The following SCN10A variants were observed in gnomAD, a reference collection of about 807,000 sequenced individuals.
SCN10A encodes the protein sodium channel protein type 10 subunit alpha.
A neutral mutation model predicts 170.7 loss-of-function variants in SCN10A; 162 were observed. The observed-to-expected ratio is 0.95, with a 90% CI of 0.84 to 1.08. The LOEUF (loss-of-function observed/expected upper bound fraction) is 1.08. Among genes scored for constraint, SCN10A ranks in the 50% least tolerant of loss-of-function variants. The probability of loss-of-function intolerance (pLI) is 0.00; values close to 1 mark genes in which losing one functional copy is unlikely to be tolerated. For missense variants in SCN10A, 2,527 were observed against 2,436.9 expected, an observed-to-expected ratio of 1.04 and a Z score of -0.78; for synonymous variants, 985 against 904.6, an observed-to-expected ratio of 1.09 and a Z score of -1.59.
At chr3:38,773,293 G>C (rs2064031584) in intron 4 of SCN10A, among the ~76,000 whole-genome samples, 1 of 152,024 alleles carries the variant, frequency 6.6e-6, no homozygotes, top group African/African-American at 2.4e-5. Flanking sequence ...AGCATAGAGA[G>C]ACTTTGTCTT....
At chr3:38,704,934 C>T (rs1243520500) in intron 26 of SCN10A, among the ~76,000 whole-genome samples, 1 of 152,196 alleles carries the variant, frequency 6.6e-6, no homozygotes, top group Non-Finnish European at 1.5e-5. Context: ...GAAGAAGGGT[C>T]TTAGTTGGGA....
At chr3:38,706,371 T>C (rs1434620930) in intron 26 of SCN10A, among the ~76,000 whole-genome samples, 1 of 152,254 alleles carries the variant, frequency 6.6e-6, no homozygotes, top group Non-Finnish European at 1.5e-5. Flanking sequence ...GAAGGGCTAA[T>C]GAAATTGTGT....
Position 38,728,711 on chromosome 3 carries a change from T to C in SCN10A, c.2471A>G (p.His824Arg), listed in dbSNP as rs779646839. 14 of 1,614,074 alleles carry C rather than the reference T, an allele frequency of 8.7e-6. No individual in the cohort carries two copies. In the South Asian group the frequency reaches 1.2e-4, roughly 14 times the overall value. ...RNNRKNISAP[H>R]EDWPRWHMHD... ...CATGTGCCAGCGGGGCCAGTCTTCA[T>C]GGGGCGCGGAGATATTTTTTCGGTT... Residue 824 changes from histidine to arginine, a missense_variant, in exon 16 of 28, where the codon CAT becomes CGT. By Grantham distance (29) the His-to-Arg change is conservative. Transcript: ENST00000449082.
At chr3:38,731,899 A>G (rs1255519228) in intron 15 of SCN10A, among the ~76,000 whole-genome samples, 1 of 152,224 alleles carries the variant, frequency 6.6e-6, no homozygotes, top group Non-Finnish European at 1.5e-5. Context: ...ACAGGGAGAC[A>G]GATCTGAGCT....
intron 25 of SCN10A, among the ~76,000 whole-genome samples, chr3:38,707,758 C>T (rs920161466): frequency 1.3e-5 from 2 of 152,186 alleles, no homozygotes; most frequent in African/African-American, 4.8e-5. Flanking sequence ...GTCACAGTCC[C>T]TCCCAGGGGG....
At chr3:38,809,446 G>A (rs1224745121) in intron 1 of SCN10A, among the ~76,000 whole-genome samples, 3 of 152,176 alleles carry the variant, frequency 2.0e-5, no homozygotes, top group Non-Finnish European at 4.4e-5. Context: ...GAGGTTATGG[G>A]GTTAGATGGC....
At chr3:38,729,356 C>G (rs1256196313) in intron 15 of SCN10A, among the ~76,000 whole-genome samples, 1 of 152,152 alleles carries the variant, frequency 6.6e-6, no homozygotes, top group Non-Finnish European at 1.5e-5. Flanking sequence ...CAAAACATCT[C>G]TTAGGGCATT....
chr3:38,742,453 G>A lies in SCN10A; in HGVS notation c.1944C>T (p.Cys648=). The change falls in exon 14 of 28, where the codon TGC becomes TGT. Residue 648 remains cysteine (C), a synonymous_variant. Coordinates refer to ENST00000449082, the MANE Select transcript of SCN10A (RefSeq NM_006514.4). The part of the protein sequence containing the change: ...LSQKYLIWDC[C]PMWVKLKTIL... ...TTGTCTTGAGCTTCACCCACATGGGGCAGCAATCCCAGATCAGATACTTCT... is the reference window on the plus strand; with the variant it reads ...TTGTCTTGAGCTTCACCCACATGGGACAGCAATCCCAGATCAGATACTTCT... The A allele has an allele frequency of 6.2e-7, 1 of 1,614,190 alleles. No homozygotes were observed. The highest frequency in any genetic ancestry group is 8.5e-7 in the Non-Finnish European group (1 of 1,180,038).
At chr3:38,735,189 A>AG (rs2063548343) in intron 15 of SCN10A, among the ~76,000 whole-genome samples, 1 of 148,462 alleles carries the variant, frequency 6.7e-6, no homozygotes, top group African/African-American at 2.5e-5. Context: ...AAAAAAAAAA[A>AG]GAAAGAAAAG....
At chr3:38,796,172 T>A (rs1404655507) in intron 1 of SCN10A, among the ~76,000 whole-genome samples, 1 of 152,142 alleles carries the variant, frequency 6.6e-6, no homozygotes, top group African/African-American at 2.4e-5. Context: ...TTCTTTCTAA[T>A]ACCTGCCTCT....
intron 15 of SCN10A, among the ~76,000 whole-genome samples, chr3:38,736,963 GTTTTTTT>G (rs71085334): frequency 1.3e-3 from 61 of 46,680 alleles, no homozygotes; most frequent in African/African-American, 5.7e-3. Flanking sequence ...AGAAATGTTC[GTTTTTTT>G]TTTTTTTTTT....
At chr3:38,792,287 C>G in intron 2 of SCN10A, 119 bp from the exon 3 acceptor site, 1 of 1,301,412 alleles carries the variant, frequency 7.7e-7, no homozygotes, top group Non-Finnish European at 1.1e-6. Context: ...GCTCTGGGAA[C>G]TACAGGTCAA....
intron 18 of SCN10A, 66 bp downstream of exon 18, chr3:38,725,108 C>T (rs1363756418): frequency 2.1e-6 from 3 of 1,452,572 alleles, no homozygotes; most frequent in Admixed American, 2.0e-5. Flanking sequence ...ACCCTCCAGC[C>T]TCTACCAGCC....
At position 38,698,019 on chromosome 3, in the gene SCN10A, T is replaced by C; in HGVS notation, c.5201A>G (p.Glu1734Gly). The C allele has an allele frequency of 6.2e-7, 1 of 1,614,162 alleles. No individual in the cohort carries two copies. The change falls in exon 28 of 28, where the codon GAG becomes GGG. Residue 1734 changes from glutamate (E) to glycine (G), a missense_variant. Physicochemically the swap from Glu to Gly is moderately conservative, Grantham distance 98 (BLOSUM62 -2). Transcript: ENST00000449082. Reference protein sequence around the residue: ...NFNVATEESTEPLSEDDFDMF... With the variant: ...NFNVATEESTGPLSEDDFDMF... ...GTCAAAGTCGTCCTCACTCAGGGGC[T>C]CAGTGCTCTCCTCCGTGGCCACATT...
chr3:38,739,232 G>T (rs1430528777), intron 15 of SCN10A, among the ~76,000 whole-genome samples: 1 of 152,198 alleles, frequency 6.6e-6, no homozygotes, highest in Non-Finnish European at 1.5e-5. Flanking sequence ...TGTGATTATT[G>T]CTGTTATTGT....
chr3:38,774,850 A>G (rs895889519), intron 4 of SCN10A, among the ~76,000 whole-genome samples: 29 of 152,172 alleles, frequency 1.9e-4, no homozygotes, highest in Admixed American at 3.9e-4. Context: ...CTAAGTGACC[A>G]CAATCAGTTT....
At chr3:38,773,733 T>TGTAAATATA (rs2064037495) in intron 4 of SCN10A, among the ~76,000 whole-genome samples, 1 of 152,214 alleles carries the variant, frequency 6.6e-6, no homozygotes, top group South Asian at 2.1e-4. Flanking sequence ...TGTAATTATA[T>TGTAAATATA]ATGTAGTCAT....
intron 1 of SCN10A, among the ~76,000 whole-genome samples, chr3:38,812,637 G>A (rs573795957): frequency 6.6e-6 from 1 of 152,206 alleles, no homozygotes; most frequent in African/African-American, 2.4e-5. Context: ...GGGAACTACT[G>A]TTCGTTTTCT....
intron 17 of SCN10A, 61 bp downstream of exon 17, chr3:38,726,545 T>A (rs753990717): frequency 1.8e-4 from 251 of 1,359,804 alleles, no homozygotes; most frequent in Non-Finnish European, 2.4e-4. Flanking sequence ...TTGCCCTTTG[T>A]CACTCAAGCC....
Sources: allele counts gnomAD v4.1 joint callset (sites outside exome capture counted in the v4.1 genomes callset), GRCh38; gene constraint gnomAD v4.1.1; transcripts MANE v1.5; gene names NCBI Gene and HGNC (gene_info 2026-07-23, HGNC 2026-07-21).